The following TAOK1 variants were observed in gnomAD, a reference collection of about 807,000 sequenced individuals.
TAOK1 encodes serine/threonine-protein kinase TAO1.
TAOK1 carries 21 observed loss-of-function variants against 138.3 expected under a neutral mutation model. That is an observed-to-expected ratio of 0.15 (90% confidence interval 0.11 to 0.22). The LOEUF (loss-of-function observed/expected upper bound fraction) is 0.22. Ranked by LOEUF, TAOK1 falls within the 10% of genes least tolerant of loss-of-function variation. The pLI, the probability that TAOK1 is intolerant of heterozygous loss-of-function variation, is 1.00. For missense variants in TAOK1, 651 were observed against 1,227.7 expected (o/e 0.53, Z 7.02); for synonymous variants, 361 against 398.4 (o/e 0.91, Z 1.12).
At chr17:29,487,922 T>A (rs2031206488) in intron 8 of TAOK1, among the ~76,000 whole-genome samples, 1 of 152,152 alleles carries the variant, frequency 6.6e-6, no homozygotes, top group African/African-American at 2.4e-5. Flanking sequence ...GTGATCAAAA[T>A]GAATACCATC....
chr17:29,393,763 T>G (rs1020330863), intron 1 of TAOK1, among the ~76,000 whole-genome samples: 1 of 152,212 alleles, frequency 6.6e-6, no homozygotes, highest in Non-Finnish European at 1.5e-5. Context: ...TCAGCTGGAT[T>G]TAAAGGCTTT....
chr17:29,513,474 T>A (rs900011891), intron 15 of TAOK1: 1 of 152,216 alleles, frequency 6.6e-6, no homozygotes, highest in Non-Finnish European at 1.5e-5. Flanking sequence ...ATTAGTTTGT[T>A]TAGATAATCC....
chr17:29,480,684 C>T lies in TAOK1; in HGVS notation c.563+203C>T, dbSNP rs562907082. Among the ~76,000 whole-genome samples the T allele has an allele frequency of 1.7e-3, 252 of 151,992 alleles. 1 individual carries two copies. Among genetic ancestry groups the T allele is most frequent in the African/African-American group, 5.9e-3 (245 of 41,438 alleles). On this transcript the variant is annotated intron_variant, in intron 7 of 19. Coordinates refer to ENST00000261716, the MANE Select transcript of TAOK1 (RefSeq NM_020791.4). The stretch of plus-strand genomic sequence containing the variant: ...AGGAGTTTGAGACCAGCCTGGCCAA[C>T]ATGGTGAGACCCCATCTCTACCAAA...
intron 10 of TAOK1, 71 bp from the exon 11 acceptor site, chr17:29,495,489 T>C: frequency 7.7e-7 from 1 of 1,294,386 alleles, no homozygotes; most frequent in Admixed American, 2.3e-5. Context: ...ATATTATCTC[T>C]AGGGTCTGAG....
Position 29,543,658 on chromosome 17 carries a change from A to G in TAOK1, c.*636A>G, listed in dbSNP as rs1324289864. 6.6e-6 allele frequency: 1 copy of G among 152,516 alleles called. No homozygotes were observed. The highest frequency in any genetic ancestry group is 1.5e-5 in the Non-Finnish European group (1 of 68,050). 9.4% of individuals were successfully genotyped at this position (152,516 alleles called of 1,614,324 possible). On this transcript the variant is annotated 3_prime_UTR_variant, in exon 20 of 20. Coordinates refer to ENST00000261716, the MANE Select transcript of TAOK1 (RefSeq NM_020791.4). ...CCTTTTGGCTAAGATCAAGTGTAGA[A>G]ATCCATGAACACTAAAGGACTTCAT...
rs962473518 is a variant in TAOK1 at position 29,475,334 on chromosome 17, G to C, written c.205-336G>C. ...ACAAGTGAATCACTTGAGGTCAGGAGTTTGAGACCAGTCTGAGCAATGCAG... is the reference window on the plus strand; with the variant it reads ...ACAAGTGAATCACTTGAGGTCAGGACTTTGAGACCAGTCTGAGCAATGCAG... On this transcript the variant is annotated intron_variant, in intron 3 of 19. Transcript: ENST00000261716. 8.7e-4 allele frequency among the ~76,000 whole-genome samples: 132 copies of C among 152,288 alleles called. 1 individual carries two copies. The highest frequency in any genetic ancestry group is 3.1e-3 in the African/African-American group (127 of 41,550).
At chr17:29,393,563 A>G (rs896544865) in intron 1 of TAOK1, among the ~76,000 whole-genome samples, 1 of 152,202 alleles carries the variant, frequency 6.6e-6, no homozygotes, top group African/African-American at 2.4e-5. Flanking sequence ...TTGATTCTAG[A>G]TTAGTATGGC....
chr17:29,539,883 A>C (rs1408940356), intron 19 of TAOK1, among the ~76,000 whole-genome samples: 1 of 152,214 alleles, frequency 6.6e-6, no homozygotes, highest in Non-Finnish European at 1.5e-5. Flanking sequence ...CTGTCTCGAA[A>C]AAAAGCAAAA....
At chr17:29,541,245 G>T (rs1042138784) in intron 19 of TAOK1, among the ~76,000 whole-genome samples, 3 of 151,226 alleles carry the variant, frequency 2.0e-5, no homozygotes, top group Admixed American at 6.6e-5. Flanking sequence ...AAGAAGCAGG[G>T]ATTACAGACG....
chr17:29,419,752 C>G (rs1009573803), intron 1 of TAOK1, among the ~76,000 whole-genome samples: 1 of 152,090 alleles, frequency 6.6e-6, no homozygotes, highest in Non-Finnish European at 1.5e-5. Flanking sequence ...CTTCAGCCTC[C>G]CAAAGTGCTG....
intron 10 of TAOK1, 94 bp downstream of exon 10, chr17:29,491,959 C>T (rs1027951595): frequency 2.4e-5 from 22 of 922,582 alleles, no homozygotes; most frequent in Non-Finnish European, 3.3e-5. Context: ...AATCACGTCT[C>T]CTGCAGCCTT....
chr17:29,551,462 A>G lies in TAOK1; in HGVS notation c.*8440A>G, dbSNP rs572285153. 1 of 152,324 alleles carries G rather than the reference A, an allele frequency of 6.6e-6. No homozygotes were observed. The highest frequency in any genetic ancestry group is 6.5e-5 in the Admixed American group (1 of 15,300). The allele number at this position is 152,324 out of a possible 1,614,324, so 9.4% of individuals were successfully genotyped here. On this transcript the variant is annotated 3_prime_UTR_variant, in exon 20 of 20. Transcript: ENST00000261716. The stretch of plus-strand genomic sequence containing the variant: ...ACTTTTTTGAGAGAGTATCGTGTCG[A>G]AAGTGTGATGTTCTACCACTTTACC...
intron 1 of TAOK1, among the ~76,000 whole-genome samples, chr17:29,411,798 A>G (rs541938477): frequency 2.0e-5 from 3 of 152,046 alleles, no homozygotes; most frequent in African/African-American, 2.4e-5. Flanking sequence ...TTTTTAACCA[A>G]TGTATCTACT....
At chr17:29,406,277 C>T (rs774165871) in intron 1 of TAOK1, among the ~76,000 whole-genome samples, 1 of 151,592 alleles carries the variant, frequency 6.6e-6, no homozygotes, top group Non-Finnish European at 1.5e-5. Context: ...GATTGAGAAC[C>T]ATTTATTTAA....
At chr17:29,508,597 C>T (rs72821454) in intron 14 of TAOK1, among the ~76,000 whole-genome samples, 11 of 152,226 alleles carry the variant, frequency 7.2e-5, no homozygotes, top group Non-Finnish European at 1.3e-4. Flanking sequence ...TGCTAAATCT[C>T]CTATCATTAG....
chr17:29,505,462 G>A (rs192154948), intron 13 of TAOK1, among the ~76,000 whole-genome samples: 1 of 152,174 alleles, frequency 6.6e-6, no homozygotes, highest in Non-Finnish European at 1.5e-5. Flanking sequence ...AGCACTTTGC[G>A]AGGCCAAGGC....
In TAOK1 at chr17:29,401,725, G is replaced by A. The variant is rs372753825; in HGVS notation, c.-95+10701G>A. Among the ~76,000 whole-genome samples the A allele has an allele frequency of 9.2e-5, 14 of 151,974 alleles. No individual in the cohort carries two copies. In the East Asian group the frequency reaches 2.3e-3, roughly 25 times the overall value. On this transcript the variant is annotated intron_variant, in intron 1 of 19. Coordinates refer to ENST00000261716, the MANE Select transcript of TAOK1 (RefSeq NM_020791.4). ...GCTGGAGTGCAGTGGGGTGATCATGGCTTGCTGAAACCTCTGCCTCTTGGG... is the reference window on the plus strand; with the variant it reads ...GCTGGAGTGCAGTGGGGTGATCATGACTTGCTGAAACCTCTGCCTCTTGGG...
intron 2 of TAOK1, among the ~76,000 whole-genome samples, chr17:29,465,466 A>G (rs2030639421): frequency 6.6e-6 from 1 of 151,928 alleles, no homozygotes; most frequent in Non-Finnish European, 1.5e-5. Context: ...TAATTTTTTA[A>G]AGCAACCTTT....
At chr17:29,538,674 T>G (rs143036689) in intron 19 of TAOK1, among the ~76,000 whole-genome samples, 471 of 152,346 alleles carry the variant, frequency 3.1e-3, no homozygotes, top group Non-Finnish European at 5.1e-3. Context: ...TCATTCTGTT[T>G]GAAGATTGTT....
Sources: gnomAD v4.1 joint callset for allele counts (sites outside exome capture counted in the v4.1 genomes callset) on GRCh38, gnomAD v4.1.1 for gene constraint, MANE v1.5 for transcripts, NCBI Gene and HGNC (gene_info 2026-07-23, HGNC 2026-07-21) for gene names.